Variants in CAMK4 observed in about 807,000 individuals in gnomAD.
CAMK4 encodes calcium/calmodulin dependent protein kinase IV, also known as calcium/calmodulin-dependent protein kinase type IV.
A neutral mutation model predicts 44.9 loss-of-function variants in CAMK4; 22 were observed. The ratio of observed to expected loss-of-function variants is 0.49; its 90% confidence interval spans 0.35 to 0.70. The LOEUF (loss-of-function observed/expected upper bound fraction) is 0.70. Among genes scored for constraint, CAMK4 ranks in the 30% least tolerant of loss-of-function variants. CAMK4 has a pLI of 0.01. For missense variants in CAMK4, 498 were observed against 586.8 expected, an observed-to-expected ratio of 0.85 and a Z score of 1.56; for synonymous variants, 218 against 215.4, an observed-to-expected ratio of 1.01 and a Z score of -0.11.
intron 1 of CAMK4, among the ~76,000 whole-genome samples, chr5:111,318,011 G>A (rs1748506607): frequency 6.6e-6 from 1 of 150,436 alleles, no homozygotes; most frequent in Non-Finnish European, 1.5e-5. Flanking sequence ...TGTACTACAT[G>A]CGAAGAGAAT....
intron 5 of CAMK4, among the ~76,000 whole-genome samples, chr5:111,422,430 A>G (rs958026546): frequency 1.3e-5 from 2 of 152,362 alleles, no homozygotes; most frequent in African/African-American, 4.8e-5. Context: ...GTTGCTCACC[A>G]GTGAAACCCC....
chr5:111,474,848 C>T (rs923512821), intron 8 of CAMK4, among the ~76,000 whole-genome samples: 7 of 152,126 alleles, frequency 4.6e-5, no homozygotes, highest in Non-Finnish European at 8.8e-5. Context: ...TTTGTGTGCT[C>T]AATTCCTTGT....
Position 111,230,796 on chromosome 5 carries a change from T to G in CAMK4, c.161+6152T>G, listed in dbSNP as rs982459045. Reference sequence around the variant, plus strand: ...CTACTAGTTATTTTTTGTTAATATTTTTTTTCTTTTTTTCCTCTTTTTTTT... The same window carrying G: ...CTACTAGTTATTTTTTGTTAATATTGTTTTTCTTTTTTTCCTCTTTTTTTT... On this transcript the variant is annotated intron_variant, in intron 1 of 10. Coordinates refer to ENST00000282356, the MANE Select transcript of CAMK4 (RefSeq NM_001744.6). Among the ~76,000 whole-genome samples, 4 of 152,072 alleles carry G rather than the reference T, an allele frequency of 2.6e-5. No homozygotes were observed. In the East Asian group the frequency reaches 5.8e-4, roughly 22 times the overall value.
At chr5:111,466,433 G>A (rs1754830804) in intron 7 of CAMK4, among the ~76,000 whole-genome samples, 1 of 152,056 alleles carries the variant, frequency 6.6e-6, no homozygotes, top group Non-Finnish European at 1.5e-5. Flanking sequence ...TGATATCATT[G>A]CATACCTACA....
intron 5 of CAMK4, among the ~76,000 whole-genome samples, chr5:111,407,780 G>T (rs1431678581): frequency 1.3e-5 from 2 of 152,136 alleles, no homozygotes; most frequent in African/African-American, 2.4e-5. Flanking sequence ...TATAGATATA[G>T]TTTATGTGCA....
At chr5:111,327,316 T>C (rs1580596507) in intron 1 of CAMK4, among the ~76,000 whole-genome samples, 1 of 149,754 alleles carries the variant, frequency 6.7e-6, no homozygotes, top group Admixed American at 6.7e-5. Flanking sequence ...GTTTCATCCA[T>C]GTCCCTGCAA....
intron 2 of CAMK4, among the ~76,000 whole-genome samples, chr5:111,358,800 A>T (rs556429434): frequency 1.3e-5 from 2 of 152,110 alleles, no homozygotes; most frequent in South Asian, 4.2e-4. Flanking sequence ...GCTCCCACTT[A>T]TAAGTGAGAA....
chr5:111,396,716 C>A (rs1447428589), intron 5 of CAMK4, among the ~76,000 whole-genome samples: 1 of 125,930 alleles, frequency 7.9e-6, no homozygotes, highest in African/African-American at 3.0e-5. Flanking sequence ...TCTTGGCTCA[C>A]TGCAACCTCT....
intron 1 of CAMK4, among the ~76,000 whole-genome samples, chr5:111,320,326 C>G (rs1748607090): frequency 6.6e-6 from 1 of 151,992 alleles, no homozygotes; most frequent in South Asian, 2.1e-4. Context: ...AAAGATTGTT[C>G]CAGTAGTACA....
chr5:111,224,550 C>A lies in CAMK4; in HGVS notation c.67C>A (p.Pro23Thr), dbSNP rs1748077885. The A allele has an allele frequency of 1.9e-6, 3 of 1,611,648 alleles. No homozygotes were observed. The African/African-American group carries it at 4.0e-5, about 22-fold the overall frequency. The change falls in exon 1 of 11, where the codon CCG (proline) becomes ACG (threonine). Residue 23 changes from proline to threonine, a missense_variant. This residue lies in a region of CAMK4 where 152 missense variants were observed against 143.7 expected (regional missense o/e 1.06). Coordinates refer to ENST00000282356, the MANE Select transcript of CAMK4 (RefSeq NM_001744.6). This position sits in a 1 kb window ranked among gnomAD's most constrained non-coding sequence, Gnocchi z 5.7. ...CTCTTCGGTCACCGCCAGTGCGGCCCCGGGGACCGCGAGCCTCGTCCCGGA... is the reference window on the plus strand; with the variant it reads ...CTCTTCGGTCACCGCCAGTGCGGCCACGGGGACCGCGAGCCTCGTCCCGGA... ...SCSSVTASAAPGTASLVPDYW... is the reference protein window; with the variant it reads ...SCSSVTASAATGTASLVPDYW...
chr5:111,467,759 G>A (rs1754894778), intron 7 of CAMK4, among the ~76,000 whole-genome samples: 1 of 152,190 alleles, frequency 6.6e-6, no homozygotes, highest in African/African-American at 2.4e-5. Context: ...TGATGGGAAT[G>A]TAAACTAGTA....
At chr5:111,342,631 A>T (rs1232371401) in intron 1 of CAMK4, among the ~76,000 whole-genome samples, 1 of 151,466 alleles carries the variant, frequency 6.6e-6, no homozygotes, top group Non-Finnish European at 1.5e-5. Context: ...TAATGTAATT[A>T]TATGATTAGA....
At chr5:111,237,003 T>A (rs1390470624) in intron 1 of CAMK4, among the ~76,000 whole-genome samples, 1 of 152,188 alleles carries the variant, frequency 6.6e-6, no homozygotes, top group African/African-American at 2.4e-5. Flanking sequence ...CGAACCCACT[T>A]CTAAACTAGC....
chr5:111,237,408 T>G (rs745793838), intron 1 of CAMK4, among the ~76,000 whole-genome samples: 5 of 152,270 alleles, frequency 3.3e-5, no homozygotes, highest in Non-Finnish European at 5.9e-5. Flanking sequence ...TTATGTTGTT[T>G]AGGAGACAGA....
At chr5:111,363,423 A>G (rs536042967) in intron 2 of CAMK4, among the ~76,000 whole-genome samples, 1 of 152,236 alleles carries the variant, frequency 6.6e-6, no homozygotes, top group South Asian at 2.1e-4. Context: ...ATTAAATGCC[A>G]GGTATTGGTA....
intron 5 of CAMK4, among the ~76,000 whole-genome samples, chr5:111,415,054 T>TA (rs1561472846): frequency 6.6e-6 from 1 of 152,190 alleles, no homozygotes; most frequent in African/African-American, 2.4e-5. Context: ...CTGCCAGATA[T>TA]AAAAATGTTG....
upstream of CAMK4, chr5:111,223,797 A>T (rs1237390411): frequency 6.6e-6 from 1 of 152,570 alleles, no homozygotes; most frequent in Non-Finnish European, 1.5e-5. This position sits in a 1 kb window ranked among gnomAD's most constrained non-coding sequence, Gnocchi z 4.3. Context: ...CGGCGACCAC[A>T]GTACTCCCTC....
intron 1 of CAMK4, chr5:111,265,947 G>A (rs1750221514): frequency 6.6e-6 from 1 of 152,198 alleles, no homozygotes; most frequent in African/African-American, 2.4e-5. Flanking sequence ...AAGGATCTAT[G>A]TCATGGAGGG....
At chr5:111,315,608 A>G (rs1322803216) in intron 1 of CAMK4, among the ~76,000 whole-genome samples, 1 of 152,122 alleles carries the variant, frequency 6.6e-6, no homozygotes, top group South Asian at 2.1e-4. Flanking sequence ...TTTTTTTTGT[A>G]TATAAAGGAA....
Sources: gnomAD v4.1 joint callset for allele counts (sites outside exome capture counted in the v4.1 genomes callset) on GRCh38, gnomAD v4.1.1 for gene constraint, gnomAD v4.1.1 regional missense constraint, Gnocchi (gnomAD v3.1) non-coding constraint, MANE v1.5 for transcripts, NCBI Gene and HGNC (gene_info 2026-07-23, HGNC 2026-07-21) for gene names.